The following LINGO2 variants were observed in gnomAD, a reference collection of about 807,000 sequenced individuals.
LINGO2 encodes leucine-rich repeat and immunoglobulin-like domain-containing nogo receptor-interacting protein 2.
A neutral mutation model predicts 30.6 loss-of-function variants in LINGO2; 14 were observed. The ratio of observed to expected loss-of-function variants is 0.46; its 90% CI spans 0.30 to 0.72. LINGO2 has a LOEUF of 0.72. LINGO2 is among the 30% of genes least tolerant of loss of function. LINGO2 has a pLI of 0.07. For synonymous variants in LINGO2, 317 were observed against 288.5 expected (o/e 1.10, Z -1.00); for missense variants, 729 against 751.7 (o/e 0.97, Z 0.35).
chr9:28,870,084 G>T, the LINGO2 span, among the ~76,000 whole-genome samples: 1 of 150,834 alleles, frequency 6.6e-6, no homozygotes, highest in Non-Finnish European at 1.5e-5. Flanking sequence ...TGAAGGATTT[G>T]TTACTTTATT....
intron 4 of LINGO2, among the ~76,000 whole-genome samples, chr9:28,212,122 C>G (rs1314913438): frequency 6.6e-6 from 1 of 151,278 alleles, no homozygotes; most frequent in African/African-American, 2.4e-5. Context: ...TAACTTTGAG[C>G]TTTGTCTTTC....
chr9:28,565,971 A>G (rs1417403082), intron 1 of LINGO2, among the ~76,000 whole-genome samples: 2 of 152,130 alleles, frequency 1.3e-5, no homozygotes, highest in African/African-American at 4.8e-5. Context: ...CTATATCTGT[A>G]TATTAAAAAT....
chr9:29,053,313 G>T, the LINGO2 span, among the ~76,000 whole-genome samples: 35 of 152,274 alleles, frequency 2.3e-4, no homozygotes, highest in Non-Finnish European at 5.1e-4. Flanking sequence ...TATATGGATA[G>T]TTTCTGTTTG....
intron 5 of LINGO2, among the ~76,000 whole-genome samples, chr9:27,993,866 C>T (rs886842329): frequency 2.6e-5 from 4 of 151,766 alleles, no homozygotes; most frequent in Non-Finnish European, 4.4e-5. Flanking sequence ...TTTTTGTGAG[C>T]ACCTGGAACA....
At chr9:29,086,402 T>C in the LINGO2 span, among the ~76,000 whole-genome samples, 2 of 151,912 alleles carry the variant, frequency 1.3e-5, no homozygotes, top group Non-Finnish European at 2.9e-5. Context: ...TCTTAATTAA[T>C]ACAGGTTGTG....
At chr9:28,330,656 T>A (rs539920013) in intron 3 of LINGO2, among the ~76,000 whole-genome samples, 2 of 152,188 alleles carry the variant, frequency 1.3e-5, no homozygotes, top group Non-Finnish European at 2.9e-5. Context: ...TGATCTGTTA[T>A]TGTGAATTAC....
intron 5 of LINGO2, among the ~76,000 whole-genome samples, chr9:27,980,924 A>G (rs1401173593): frequency 2.0e-5 from 3 of 151,892 alleles, no homozygotes; most frequent in African/African-American, 7.2e-5. Context: ...CAATTTGAAG[A>G]TTTGTGCCCT....
chr9:28,006,633 C>G (rs1822281362), intron 5 of LINGO2, among the ~76,000 whole-genome samples: 1 of 151,936 alleles, frequency 6.6e-6, no homozygotes, highest in African/African-American at 2.4e-5. Flanking sequence ...CCAAACCAAC[C>G]CTTTTAACCA....
the LINGO2 span, among the ~76,000 whole-genome samples, chr9:28,691,956 C>G: frequency 1.3e-5 from 2 of 152,110 alleles, no homozygotes; most frequent in African/African-American, 4.8e-5. Context: ...ATCCTCAAAG[C>G]AGAGACAGCT....
At chr9:28,188,490 C>T (rs115248238) in intron 4 of LINGO2, among the ~76,000 whole-genome samples, 2,553 of 152,114 alleles carry the variant, frequency 0.017, 81 homozygotes, top group African/African-American at 0.058. Flanking sequence ...TATGGGAAGA[C>T]GCCTGAGATG....
chr9:28,646,452 C>A (rs1017801816), intron 1 of LINGO2, among the ~76,000 whole-genome samples: 1 of 152,050 alleles, frequency 6.6e-6, no homozygotes, highest in Admixed American at 6.6e-5. Context: ...CAATTAACAC[C>A]TTTAAGAACT....
intron 5 of LINGO2, among the ~76,000 whole-genome samples, chr9:27,990,474 T>C: frequency 9.8e-6 from 1 of 102,106 alleles, no homozygotes; most frequent in Admixed American, 1.1e-4. Context: ...CCCCCCCCCT[T>C]TTATTTTTAA....
At chr9:28,199,596 C>T (rs150972949) in intron 4 of LINGO2, among the ~76,000 whole-genome samples, 2 of 152,054 alleles carry the variant, frequency 1.3e-5, no homozygotes, top group African/African-American at 2.4e-5. Flanking sequence ...CCTCGGCCCC[C>T]CAAAGTGTTG....
the LINGO2 span, among the ~76,000 whole-genome samples, chr9:29,085,852 A>G: frequency 6.6e-6 from 1 of 152,246 alleles, no homozygotes; most frequent in African/African-American, 2.4e-5. Context: ...AATTTGCCCT[A>G]TTAACATACA....
the LINGO2 span, among the ~76,000 whole-genome samples, chr9:28,824,004 GA>G: frequency 1.3e-5 from 2 of 150,746 alleles, no homozygotes; most frequent in South Asian, 2.1e-4. Context: ...CAAAGAAACA[GA>G]AAAAAAAAGT....
the LINGO2 span, among the ~76,000 whole-genome samples, chr9:29,048,534 C>A: frequency 6.6e-6 from 1 of 151,920 alleles, no homozygotes; most frequent in Non-Finnish European, 1.5e-5. Flanking sequence ...ACAAAAAGAA[C>A]AAAACTGGAG....
chr9:28,903,050 A>T, the LINGO2 span, among the ~76,000 whole-genome samples: 1 of 151,900 alleles, frequency 6.6e-6, no homozygotes, highest in African/African-American at 2.4e-5. Flanking sequence ...TAAAATATAG[A>T]CTAGAAAAAC....
the LINGO2 span, among the ~76,000 whole-genome samples, chr9:29,213,442 G>A: frequency 6.6e-6 from 1 of 152,166 alleles, no homozygotes; most frequent in Non-Finnish European, 1.5e-5. Context: ...TGTCTACGCT[G>A]GGGAAACTTT....
At chr9:29,151,100 C>A in the LINGO2 span, among the ~76,000 whole-genome samples, 1 of 151,790 alleles carries the variant, frequency 6.6e-6, no homozygotes, top group South Asian at 2.1e-4. Context: ...AGATTGGAGG[C>A]CTATTTACAG....
Sources: gnomAD v4.1 joint callset for allele counts (sites outside exome capture counted in the v4.1 genomes callset) on GRCh38, gnomAD v4.1.1 for gene constraint, MANE v1.5 for transcripts, NCBI Gene and HGNC (gene_info 2026-07-23, HGNC 2026-07-21) for gene names.